ZWILCH: variants seen among roughly 807,000 people sequenced by gnomAD.
ZWILCH encodes protein zwilch homolog.
ZWILCH carries 74 observed loss-of-function variants against 79.9 expected under a neutral mutation model. The ratio of observed to expected loss-of-function variants is 0.93; its 90% CI spans 0.77 to 1.12. The LOEUF (loss-of-function observed/expected upper bound fraction) is 1.12, where lower values mean the gene tolerates loss of function less well. Among genes scored for constraint, ZWILCH ranks in the 50% most tolerant of loss-of-function variants. The pLI is 0.00. For missense variants in ZWILCH, 694 were observed against 687.5 expected, an observed-to-expected ratio of 1.01 and a Z score of -0.11; for synonymous variants, 241 against 228.2, an observed-to-expected ratio of 1.06 and a Z score of -0.51.
intron 2 of ZWILCH, among the ~76,000 whole-genome samples, chr15:66,511,043 C>G (rs375475932): frequency 6.6e-6 from 1 of 152,186 alleles, no homozygotes; most frequent in South Asian, 2.1e-4. Flanking sequence ...ACAACAGTAC[C>G]TGAAACTCCT....
chr15:66,523,782 C>G (rs1567045577), intron 8 of ZWILCH, 34 bp downstream of exon 8: 1 of 1,514,528 alleles, frequency 6.6e-7, no homozygotes, highest in Non-Finnish European at 9.1e-7. Context: ...TTCCTTAAAT[C>G]TATGTTTTTA....
intron 17 of ZWILCH, among the ~76,000 whole-genome samples, chr15:66,544,724 T>TTTTTTTTTGTG (rs145952622): frequency 1.4e-4 from 18 of 128,540 alleles, no homozygotes; most frequent in South Asian, 2.7e-4. Context: ...TTTTTGGTTT[T>TTTTTTTTTGTG]TGTGTGTGTG....
intron 14 of ZWILCH, among the ~76,000 whole-genome samples, chr15:66,533,747 A>T (rs7174799): frequency 0.26 from 40,127 of 151,564 alleles, 5,361 homozygotes; most frequent in East Asian, 0.37. Context: ...CACACACACA[A>T]ACATACATAC....
chr15:66,533,205 ACT>A (rs1308289468), intron 14 of ZWILCH, among the ~76,000 whole-genome samples, 192 bp downstream of exon 14: 9 of 151,988 alleles, frequency 5.9e-5, no homozygotes, highest in East Asian at 1.9e-4. Flanking sequence ...GTCATTTCTC[ACT>A]CTCTATAAAT....
rs765936373 is a variant in ZWILCH at position 66,532,952 on chromosome 15, G to A, written c.1313-33G>A. 2.0e-6 allele frequency: 3 copies of A among 1,477,042 alleles called. No individual in the cohort carries two copies. In the East Asian group the frequency reaches 7.2e-5, roughly 35 times the overall value. 91.5% of individuals were successfully genotyped at this position (1,477,042 alleles called of 1,614,324 possible). ...TAATATGTAATAGAAAATACCTGAA[G>A]TGTTTTTGCATGTATGTGTTTTTTC... On this transcript the variant is annotated intron_variant, in intron 13 of 18. Coordinates refer to ENST00000307897, the MANE Select transcript of ZWILCH (RefSeq NM_017975.5).
intron 3 of ZWILCH, among the ~76,000 whole-genome samples, chr15:66,515,060 G>A (rs897227245): frequency 6.6e-6 from 1 of 151,982 alleles, no homozygotes; most frequent in African/African-American, 2.4e-5. Flanking sequence ...TTCCACCTCA[G>A]CCTCCTGATT....
At chr15:66,522,698 CAAAAAGA>C (rs1056236828) in intron 7 of ZWILCH, among the ~76,000 whole-genome samples, 6 of 151,100 alleles carry the variant, frequency 4.0e-5, no homozygotes, top group Non-Finnish European at 8.8e-5. Context: ...GCTTATTAAG[CAAAAAGA>C]AAAAAGAAAA....
At chr15:66,535,843 A>G in intron 14 of ZWILCH, 90 bp from the exon 15 acceptor site, 3 of 1,125,552 alleles carry the variant, frequency 2.7e-6, no homozygotes, top group Non-Finnish European at 3.6e-6. Context: ...TCAAGCATCC[A>G]AATGTAGGTG....
rs1308595097 is a variant in ZWILCH at position 66,518,895 on chromosome 15, T to A, written c.337T>A (p.Tyr113Asn). The A allele has an allele frequency of 1.2e-6, 2 of 1,614,114 alleles. No individual in the cohort carries two copies. The highest frequency in any genetic ancestry group is 2.7e-5 in the African/African-American group (2 of 74,948). The part of the protein sequence containing the change: ...VGKARQLIGL[Y>N]TMAHNPNMTH... The stretch of plus-strand genomic sequence containing the variant: ...GTTTTAAAGGCAGTTAATTGGACTT[T>A]ACACCATGGCTCACAATCCTAATAT... Residue 113 changes from tyrosine (Y) to asparagine (N), a missense_variant, in exon 5 of 19, where the codon TAC (tyrosine) becomes AAC (asparagine). Physicochemically the swap from Tyr to Asn is moderately radical, Grantham distance 143 (BLOSUM62 -2). Transcript: ENST00000307897.
intron 8 of ZWILCH, among the ~76,000 whole-genome samples, chr15:66,525,884 C>T (rs780774231): frequency 6.6e-6 from 1 of 151,514 alleles, no homozygotes. Context: ...GCCTCAGCCT[C>T]CCCAGTAGCT....
chr15:66,542,036 T>C (rs896623673), intron 17 of ZWILCH, among the ~76,000 whole-genome samples: 3 of 152,232 alleles, frequency 2.0e-5, no homozygotes, highest in African/African-American at 7.2e-5. Context: ...TCAGTTAAAA[T>C]TGTGCTGTTT....
chr15:66,525,767 T>TC, intron 8 of ZWILCH, among the ~76,000 whole-genome samples: 1 of 139,774 alleles, frequency 7.2e-6, no homozygotes, highest in Non-Finnish European at 1.5e-5. Context: ...TTTTTTTTTT[T>TC]TTTTTTTTTT....
At chr15:66,535,796 A>G in intron 14 of ZWILCH, 137 bp from the exon 15 acceptor site, 1 of 648,772 alleles carries the variant, frequency 1.5e-6, no homozygotes, top group Non-Finnish European at 2.5e-6. Context: ...AATTCTATCT[A>G]GCTTCTTCTG....
At chr15:66,543,130 G>A (rs1050106350) in intron 17 of ZWILCH, among the ~76,000 whole-genome samples, 1 of 152,134 alleles carries the variant, frequency 6.6e-6, no homozygotes, top group African/African-American at 2.4e-5. Flanking sequence ...CTTTGGGAGT[G>A]GGGGGCTGCA....
At chr15:66,508,647 C>T in intron 1 of ZWILCH, 194 bp from the exon 2 acceptor site, 3 of 1,186,082 alleles carry the variant, frequency 2.5e-6, no homozygotes, top group Non-Finnish European at 2.2e-6. Flanking sequence ...TTTTGGTTCT[C>T]TTTTCTTCTT....
rs145952622 is a variant in ZWILCH, at chr15:66,544,724, T to TTTTTTTTTTTGTGTGTGTGTG, written c.1688-1866_1688-1865insTTTTTTTTTGTGTGTGTGTGT. 1.2e-4 allele frequency among the ~76,000 whole-genome samples: 15 copies of TTTTTTTTTTTGTGTGTGTGTG among 128,542 alleles called. No homozygotes were observed. In the East Asian group the frequency reaches 3.0e-3, roughly 25 times the overall value. 84.3% of individuals were successfully genotyped at this position (128,542 alleles called of 152,430 possible). On this transcript the variant is annotated intron_variant, in intron 17 of 18. Transcript: ENST00000307897. ...TGTTTTTTTGTTGTTTTTTTGGTTT[T>TTTTTTTTTTTGTGTGTGTGTG]TGTGTGTGTGTGTGTGTGTGTGTGT... is the stretch of plus-strand genomic sequence containing the variant.
intron 1 of ZWILCH, among the ~76,000 whole-genome samples, chr15:66,507,233 G>C (rs1240114316): frequency 2.6e-5 from 4 of 152,230 alleles, no homozygotes; most frequent in Admixed American, 2.6e-4. Context: ...ATTTTCACAC[G>C]GGACCTCAGA....
At chr15:66,514,719 T>C (rs1894192790) in intron 3 of ZWILCH, among the ~76,000 whole-genome samples, 1 of 152,202 alleles carries the variant, frequency 6.6e-6, no homozygotes, top group South Asian at 2.1e-4. Flanking sequence ...AAAAACTCCC[T>C]TGTTGTTATT....
intron 18 of ZWILCH, chr15:66,547,014 T>C (rs909817367): frequency 6.5e-6 from 1 of 154,678 alleles, no homozygotes; most frequent in Non-Finnish European, 1.4e-5. Flanking sequence ...TTTGAAAACA[T>C]TGATGCAAGA....
Sources: allele counts gnomAD v4.1 joint callset (sites outside exome capture counted in the v4.1 genomes callset), GRCh38; gene constraint gnomAD v4.1.1; transcripts MANE v1.5; gene names NCBI Gene and HGNC (gene_info 2026-07-23, HGNC 2026-07-21).